Variants in PTPRD observed in about 807,000 individuals in gnomAD.
PTPRD encodes the protein protein tyrosine phosphatase receptor type D.
A neutral mutation model predicts 214.5 loss-of-function variants in PTPRD; 34 were observed. That is an observed-to-expected ratio of 0.16 (90% CI 0.12 to 0.21). The LOEUF (loss-of-function observed/expected upper bound fraction) is 0.21, where lower values mean the gene tolerates loss of function less well. PTPRD is among the 10% of genes least tolerant of loss of function. PTPRD has a pLI of 1.00. For missense variants in PTPRD, 2,545 were observed against 2,398.7 expected, an observed-to-expected ratio of 1.06 and a Z score of -1.27; for synonymous variants, 1,128 against 845.7, an observed-to-expected ratio of 1.33 and a Z score of -5.79.
intron 33 of PTPRD, among the ~76,000 whole-genome samples, chr9:8,459,315 T>C (rs1266391964): frequency 6.6e-6 from 1 of 152,032 alleles, no homozygotes; most frequent in East Asian, 1.9e-4. Flanking sequence ...AGAAGCTATC[T>C]TGTAGTAGAA....
At chr9:10,431,886 T>C (rs951504296) in intron 2 of PTPRD, among the ~76,000 whole-genome samples, 12 of 152,086 alleles carry the variant, frequency 7.9e-5, no homozygotes, top group Non-Finnish European at 1.3e-4. Flanking sequence ...GGTGATTCCT[T>C]AGGGATCTAG....
intron 3 of PTPRD, among the ~76,000 whole-genome samples, chr9:10,169,757 G>C (rs1159512179): frequency 6.6e-6 from 1 of 152,116 alleles, no homozygotes; most frequent in Non-Finnish European, 1.5e-5. Flanking sequence ...GTAGATGAGT[G>C]TTTAGGCAGA....
At chr9:10,270,105 C>G (rs544569726) in intron 3 of PTPRD, among the ~76,000 whole-genome samples, 68 of 152,064 alleles carry the variant, frequency 4.5e-4, no homozygotes, top group African/African-American at 1.6e-3. Flanking sequence ...TATATATGTG[C>G]ATGTGTAAGT....
At chr9:9,968,249 A>T (rs571630031) in intron 4 of PTPRD, among the ~76,000 whole-genome samples, 2 of 152,200 alleles carry the variant, frequency 1.3e-5, no homozygotes, top group African/African-American at 4.8e-5. Context: ...TTCAACTTCC[A>T]GTGAAGCTGG....
chr9:8,698,396 T>G (rs767607514), intron 12 of PTPRD, among the ~76,000 whole-genome samples: 3 of 152,218 alleles, frequency 2.0e-5, no homozygotes, highest in Non-Finnish European at 4.4e-5. Context: ...TAGTTTTAAA[T>G]GTTCTTGAGA....
intron 6 of PTPRD, among the ~76,000 whole-genome samples, chr9:9,749,277 A>T (rs1056437355): frequency 6.6e-6 from 1 of 152,152 alleles, no homozygotes; most frequent in East Asian, 1.9e-4. Flanking sequence ...GTTCAGCTGC[A>T]CCAATTATCA....
At position 8,365,987 on chromosome 9, in the gene PTPRD, T is replaced by C. The variant is rs940048320; in HGVS notation, c.4661+9949A>G. 2.0e-5 allele frequency among the ~76,000 whole-genome samples: 3 copies of C among 152,180 alleles called. No individual in the cohort carries two copies. In the South Asian group the frequency reaches 6.2e-4, roughly 32 times the overall value. ...TAAGCCACAGTGTTTTGGGTTGGTA[T>C]TTGTAGGTAGCAATGCTAACTGACA... On this transcript the variant is annotated intron_variant, in intron 39 of 45. Coordinates refer to ENST00000381196, the MANE Select transcript of PTPRD (RefSeq NM_002839.4).
At chr9:9,367,620 C>A (rs533672987) in intron 9 of PTPRD, among the ~76,000 whole-genome samples, 1 of 151,476 alleles carries the variant, frequency 6.6e-6, no homozygotes, top group East Asian at 2.0e-4. Flanking sequence ...TTAAAAAAAA[C>A]AGTAGATTGC....
chr9:10,108,835 T>G (rs1323260600), intron 3 of PTPRD, among the ~76,000 whole-genome samples: 1 of 150,952 alleles, frequency 6.6e-6, no homozygotes, highest in Admixed American at 6.6e-5. Context: ...TGGAGGACAT[T>G]ATGTTAACTG....
chr9:9,110,562 A>T (rs569623809), intron 10 of PTPRD, among the ~76,000 whole-genome samples: 1 of 152,246 alleles, frequency 6.6e-6, no homozygotes, highest in African/African-American at 2.4e-5. Flanking sequence ...TTTTACAAAA[A>T]TATTTCCTCC....
At chr9:10,054,739 C>T (rs1021352165) in intron 3 of PTPRD, among the ~76,000 whole-genome samples, 4 of 152,042 alleles carry the variant, frequency 2.6e-5, no homozygotes, top group African/African-American at 9.7e-5. Flanking sequence ...TGTCAGCAAG[C>T]ATTTAAAAAT....
chr9:9,147,090 G>C (rs2099869848), intron 10 of PTPRD, among the ~76,000 whole-genome samples: 1 of 152,092 alleles, frequency 6.6e-6, no homozygotes, highest in South Asian at 2.1e-4. Context: ...ACAAGTATGA[G>C]ATTAGACCTG....
chr9:10,224,855 T>A (rs2099583657), intron 3 of PTPRD, among the ~76,000 whole-genome samples: 2 of 152,054 alleles, frequency 1.3e-5, no homozygotes, highest in Non-Finnish European at 2.9e-5. Context: ...ACATTTTCTA[T>A]TCCTTATGAT....
chr9:10,440,012 A>G (rs13298807), intron 2 of PTPRD, among the ~76,000 whole-genome samples: 1 of 151,052 alleles, frequency 6.6e-6, no homozygotes, highest in East Asian at 1.9e-4. Context: ...TTAAAGTATA[A>G]CAATAATAAA....
At chr9:9,242,801 C>G (rs1250293509) in intron 9 of PTPRD, among the ~76,000 whole-genome samples, 3 of 152,108 alleles carry the variant, frequency 2.0e-5, no homozygotes, top group African/African-American at 7.2e-5. Flanking sequence ...TCCCTTAGCT[C>G]TGAGAATTTT....
chr9:9,011,917 C>T (rs763157850), intron 11 of PTPRD, among the ~76,000 whole-genome samples: 6 of 152,024 alleles, frequency 3.9e-5, no homozygotes, highest in Non-Finnish European at 8.8e-5. Flanking sequence ...GTGGGCAGGA[C>T]CTGTGACATA....
intron 10 of PTPRD, 72 bp downstream of exon 10, chr9:9,183,232 T>A (rs1013112782): frequency 6.6e-6 from 1 of 152,016 alleles, no homozygotes; most frequent in Non-Finnish European, 1.5e-5. Context: ...TGAGTTGAAC[T>A]ATACATCAGT....
intron 12 of PTPRD, among the ~76,000 whole-genome samples, chr9:8,733,571 G>C (rs1245780617): frequency 6.6e-6 from 1 of 152,148 alleles, no homozygotes; most frequent in Non-Finnish European, 1.5e-5. Context: ...AGATGCACAA[G>C]AAAAGGGGCA....
At chr9:9,333,742 C>T (rs1282963762) in intron 9 of PTPRD, among the ~76,000 whole-genome samples, 3 of 151,416 alleles carry the variant, frequency 2.0e-5, no homozygotes, top group African/African-American at 7.3e-5. Flanking sequence ...ATTTATAATA[C>T]ATTCATATGA....
Sources: gnomAD v4.1 joint callset for allele counts (sites outside exome capture counted in the v4.1 genomes callset) on GRCh38, gnomAD v4.1.1 for gene constraint, MANE v1.5 for transcripts, NCBI Gene and HGNC (gene_info 2026-07-23, HGNC 2026-07-21) for gene names.